The following TMEM135 variants were observed in gnomAD, a reference collection of about 807,000 sequenced individuals.
The protein encoded by TMEM135 is peroxisomal membrane protein 52.
TMEM135 carries 30 observed loss-of-function variants against 60.3 expected under a neutral mutation model. The observed-to-expected ratio is 0.50, with a 90% CI of 0.37 to 0.68. The LOEUF is 0.68. Ranked by LOEUF, TMEM135 falls within the 30% of genes least tolerant of loss-of-function variation. The pLI, the probability that TMEM135 is intolerant of heterozygous loss-of-function variation, is 0.00. For missense variants in TMEM135, 468 were observed against 548.8 expected, an observed-to-expected ratio of 0.85 and a Z score of 1.47; for synonymous variants, 190 against 186.7, an observed-to-expected ratio of 1.02 and a Z score of -0.14.
chr11:87,205,848 A>G (rs184382805), intron 5 of TMEM135, among the ~76,000 whole-genome samples: 2 of 152,218 alleles, frequency 1.3e-5, no homozygotes, highest in South Asian at 2.1e-4. Context: ...CCAACATGCT[A>G]CTGGTCAGAG....
chr11:87,168,432 G>A (rs1939129768), intron 5 of TMEM135, among the ~76,000 whole-genome samples: 1 of 152,068 alleles, frequency 6.6e-6, no homozygotes, highest in African/African-American at 2.4e-5. Context: ...ACGTGCTTCT[G>A]TGGGCATTTG....
rs543556155 is a variant in TMEM135, at chr11:87,047,366, G to A, written c.141+9180G>A. ...GTCTACAGCTCCCAGCGTGAGCGACGCAGAAGACGGGTGATTTCTGCATTT... is the reference window on the plus strand; with the variant it reads ...GTCTACAGCTCCCAGCGTGAGCGACACAGAAGACGGGTGATTTCTGCATTT... On this transcript the variant is annotated intron_variant, in intron 1 of 14. Coordinates refer to ENST00000305494, the MANE Select transcript of TMEM135 (RefSeq NM_022918.4). 3.4e-3 allele frequency among the ~76,000 whole-genome samples: 517 copies of A among 151,974 alleles called. 6 individuals are homozygous for A. The highest frequency in any genetic ancestry group is 3.2e-3 in the Admixed American group (49 of 15,256).
intron 4 of TMEM135, among the ~76,000 whole-genome samples, chr11:87,155,781 T>A (rs1430683317): frequency 1.3e-5 from 2 of 152,164 alleles, no homozygotes; most frequent in Non-Finnish European, 2.9e-5. Flanking sequence ...TCTTTGGGGA[T>A]CTTTAAGTTG....
intron 6 of TMEM135, among the ~76,000 whole-genome samples, chr11:87,282,143 T>C (rs1942072502): frequency 6.6e-6 from 1 of 152,112 alleles, no homozygotes; most frequent in African/African-American, 2.4e-5. Context: ...AAAGCTTTTA[T>C]GAAGGGGAGG....
intron 7 of TMEM135, 40 bp downstream of exon 7, chr11:87,295,863 A>T (rs375688527): frequency 6.6e-7 from 1 of 1,513,718 alleles, no homozygotes; most frequent in Admixed American, 1.7e-5. Flanking sequence ...AGAATTTACA[A>T]GTTAACTTAA....
At chr11:87,053,315 T>A (rs115490508) in intron 1 of TMEM135, among the ~76,000 whole-genome samples, 5 of 147,274 alleles carry the variant, frequency 3.4e-5, no homozygotes, top group African/African-American at 1.0e-4. Flanking sequence ...ATATGGATAC[T>A]TTTTTTATTG....
chr11:87,217,346 A>G lies in TMEM135; in HGVS notation c.463-19292A>G, dbSNP rs72955823. 3.2e-3 allele frequency among the ~76,000 whole-genome samples: 482 copies of G among 152,286 alleles called. 5 individuals carry two copies. Among genetic ancestry groups the G allele is most frequent in the Non-Finnish European group, 5.9e-3 (404 of 68,028 alleles). On this transcript the variant is annotated intron_variant, in intron 5 of 14. Coordinates refer to ENST00000305494, the MANE Select transcript of TMEM135 (RefSeq NM_022918.4). Reference sequence around the variant, plus strand: ...TGACCTACAAAGAATCAAGGTGTAGAAGTTATATATTTGAAGGGCTGGGTT... The same window carrying G: ...TGACCTACAAAGAATCAAGGTGTAGGAGTTATATATTTGAAGGGCTGGGTT...
At chr11:87,309,269 G>C (rs118158501) in intron 9 of TMEM135, among the ~76,000 whole-genome samples, 5,315 of 152,200 alleles carry the variant, frequency 0.035, 93 homozygotes, top group Admixed American at 0.046. Context: ...GTGCTTGTGA[G>C]ACTTTTTAAG....
At chr11:87,093,083 A>G (rs1857246383) in intron 4 of TMEM135, among the ~76,000 whole-genome samples, 1 of 152,152 alleles carries the variant, frequency 6.6e-6, no homozygotes, top group Non-Finnish European at 1.5e-5. Context: ...CATGTTAAAC[A>G]TTGTTATGTC....
At chr11:87,157,203 A>G in intron 4 of TMEM135, 138 bp from the exon 5 acceptor site, 11 of 765,492 alleles carry the variant, frequency 1.4e-5, no homozygotes, top group Non-Finnish European at 2.4e-5. Context: ...ATAGGCATAT[A>G]CAACTTATTG....
At chr11:87,156,563 A>G (rs907578469) in intron 4 of TMEM135, among the ~76,000 whole-genome samples, 2 of 152,030 alleles carry the variant, frequency 1.3e-5, no homozygotes, top group Non-Finnish European at 2.9e-5. Context: ...TCAGATTACA[A>G]GTCTTTCACT....
In TMEM135 at chr11:87,323,782, T is replaced by C. The variant is rs1042010986; in HGVS notation, c.*2449T>C. 2 of 453,860 alleles carry C rather than the reference T, an allele frequency of 4.4e-6. No homozygotes were observed. The highest frequency in any genetic ancestry group is 8.8e-6 in the Non-Finnish European group (2 of 226,756). 28.1% of individuals were successfully genotyped at this position (453,860 alleles called of 1,614,324 possible). Reference sequence around the variant, plus strand: ...AACAGATTGTCTCAAATCTATTCAATTCTCAGCAGTTTTTCATCAAATAAT... The same window carrying C: ...AACAGATTGTCTCAAATCTATTCAACTCTCAGCAGTTTTTCATCAAATAAT... On this transcript the variant is annotated 3_prime_UTR_variant, in exon 15 of 15. Transcript: ENST00000305494.
chr11:87,310,487 G>A (rs1427987407), intron 10 of TMEM135, among the ~76,000 whole-genome samples: 1 of 151,884 alleles, frequency 6.6e-6, no homozygotes, highest in Non-Finnish European at 1.5e-5. Context: ...GAGGAGGGAG[G>A]GAGGGAGCAG....
intron 4 of TMEM135, among the ~76,000 whole-genome samples, chr11:87,106,260 C>T (rs573356250): frequency 2.0e-5 from 3 of 152,104 alleles, no homozygotes; most frequent in East Asian, 1.9e-4. Flanking sequence ...CCTGCCACAA[C>T]GCCTGACTAC....
At chr11:87,219,925 C>T (rs1030484706) in intron 5 of TMEM135, among the ~76,000 whole-genome samples, 3 of 152,076 alleles carry the variant, frequency 2.0e-5, no homozygotes, top group Non-Finnish European at 4.4e-5. Context: ...GTAGTCACTA[C>T]TAAGTATTGA....
At chr11:87,166,230 A>G (rs1939042878) in intron 5 of TMEM135, among the ~76,000 whole-genome samples, 1 of 151,728 alleles carries the variant, frequency 6.6e-6, no homozygotes, top group African/African-American at 2.4e-5. Context: ...GATAGATTGT[A>G]GAAATTTTCT....
chr11:87,225,663 C>A (rs1940750271), intron 5 of TMEM135, among the ~76,000 whole-genome samples: 1 of 151,950 alleles, frequency 6.6e-6, no homozygotes, highest in Non-Finnish European at 1.5e-5. Flanking sequence ...AGGGGGATTA[C>A]TCCTACTTTG....
intron 5 of TMEM135, among the ~76,000 whole-genome samples, chr11:87,169,714 C>T (rs944473499): frequency 6.6e-6 from 1 of 152,154 alleles, no homozygotes; most frequent in African/African-American, 2.4e-5. Context: ...CCTGACCTTT[C>T]TCTCTGGCTG....
intron 4 of TMEM135, among the ~76,000 whole-genome samples, chr11:87,144,321 T>C (rs537274132): frequency 2.6e-5 from 4 of 152,356 alleles, no homozygotes; most frequent in African/African-American, 9.6e-5. Context: ...TGCTTTTTTT[T>C]CTAAAGGGCC....
Sources: gnomAD v4.1 joint callset for allele counts (sites outside exome capture counted in the v4.1 genomes callset) on GRCh38, gnomAD v4.1.1 for gene constraint, MANE v1.5 for transcripts, NCBI Gene and HGNC (gene_info 2026-07-23, HGNC 2026-07-21) for gene names.